Variants in DSG3 observed in about 807,000 individuals in gnomAD.
DSG3 encodes the protein desmoglein-3.
A neutral mutation model predicts 85.9 loss-of-function variants in DSG3; 63 were observed. The observed-to-expected ratio is 0.73, with a 90% confidence interval of 0.60 to 0.90. The LOEUF is 0.90. Among genes scored for constraint, DSG3 ranks in the 40% least tolerant of loss-of-function variants. DSG3 has a pLI of 0.00. For synonymous variants in DSG3, 447 were observed against 441.9 expected, an observed-to-expected ratio of 1.01 and a Z score of -0.14; for missense variants, 1,220 against 1,219.9, an observed-to-expected ratio of 1.00 and a Z score of 0.00.
chr18:31,457,569 CT>C (rs745362820), intron 3 of DSG3, among the ~76,000 whole-genome samples: 1 of 93,148 alleles, frequency 1.1e-5, no homozygotes, highest in Non-Finnish European at 2.0e-5. Context: ...TTCTTTCTTT[CT>C]TTCTTTCTTT....
intron 15 of DSG3, 80 bp from the exon 16 acceptor site, chr18:31,475,566 A>C (rs2072880896): frequency 2.7e-6 from 4 of 1,507,368 alleles, no homozygotes; most frequent in Non-Finnish European, 3.5e-6. Flanking sequence ...CATAATCCAA[A>C]TGAGTTCTAC....
In DSG3 at chr18:31,474,142, C is replaced by T; in HGVS notation, c.2123C>T (p.Ala708Val). ...ESSEVCTNTYARGTAVEGTSG... is the reference protein window; with the variant it reads ...ESSEVCTNTYVRGTAVEGTSG... ...TTAGAAGTTTGTACAAATACGTATG[C>T]CAGAGGCACAGCGGTGGAAGGCACT... Residue 708 changes from alanine to valine, a missense_variant, in exon 15 of 16, where the codon GCC becomes GTC. By Grantham distance (64) the Ala-to-Val change is moderately conservative (BLOSUM62 0). Transcript: ENST00000257189. The T allele has an allele frequency of 1.2e-6, 2 of 1,613,378 alleles. No homozygotes were observed. The highest frequency in any genetic ancestry group is 1.7e-6 in the Non-Finnish European group (2 of 1,179,320).
chr18:31,464,520 A>C (rs1484902803), intron 9 of DSG3, 138 bp downstream of exon 9: 1 of 924,238 alleles, frequency 1.1e-6, no homozygotes, highest in Non-Finnish European at 1.5e-6. Context: ...GTAACTCAAA[A>C]AGTAACATTT....
chr18:31,466,588 CA>C lies in DSG3; in HGVS notation c.1472del (p.Asn491IlefsTer26). ...VYVRVPDFND[N>X]CPTAVLEKDA... ...ATGTTAGAGTACCCGATTTCAATGA[CA>C]ATTGTCCAACAGCTGTCCTCGAAAA... is the stretch of plus-strand genomic sequence containing the variant. On this transcript the variant is annotated frameshift_variant, in exon 11 of 16. Transcript: ENST00000257189. LOFTEE classifies it high-confidence loss of function. 1 of 1,614,176 alleles carries C rather than the reference CA, an allele frequency of 6.2e-7. No individual in the cohort carries two copies. The highest frequency in any genetic ancestry group is 1.1e-5 in the South Asian group (1 of 91,084).
intron 5 of DSG3, 65 bp downstream of exon 5, chr18:31,459,242 T>TA: frequency 7.1e-7 from 1 of 1,412,624 alleles, no homozygotes; most frequent in Non-Finnish European, 9.6e-7. Flanking sequence ...CCCACTACAA[T>TA]ATGTCATTCT....
In DSG3 at chr18:31,472,266, T is replaced by C. The variant is rs1403110795; in HGVS notation, c.1898-18T>C. On this transcript the variant is annotated intron_variant, in intron 12 of 15. Transcript: ENST00000257189. ...AAATTAGTCAAGTGTTCTGATGTTTTGTTTTGTTTTTCACTAGTGGCCCCC... is the reference window on the plus strand; with the variant it reads ...AAATTAGTCAAGTGTTCTGATGTTTCGTTTTGTTTTTCACTAGTGGCCCCC... 1.9e-6 allele frequency: 3 copies of C among 1,614,016 alleles called. No individual in the cohort carries two copies. Among genetic ancestry groups the C allele is most frequent in the Admixed American group, 1.7e-5 (1 of 60,022 alleles).
rs767344775 is a variant in DSG3 at position 31,464,201 on chromosome 18, C to T, written c.1090C>T (p.Arg364Ter). The T allele has an allele frequency of 6.2e-6, 10 of 1,613,942 alleles. No homozygotes were observed. The highest frequency in any genetic ancestry group is 4.5e-5 in the East Asian group (2 of 44,872). ...TCACCAATCAGTTATCTCTCGATAC[C>T]GAGTTCAGTCAACCCCAGTCACAAT... ...EFHQSVISRY[R>*]VQSTPVTIQV... The change falls in exon 9 of 16, where the codon CGA (arginine) becomes TGA (stop). Residue 364 changes from arginine to a stop codon, truncating the protein, a stop_gained. Transcript: ENST00000257189. LOFTEE classifies it high-confidence loss of function.
Position 31,469,287 on chromosome 18 carries a change from A to T in DSG3, c.1835A>T (p.His612Leu). Residue 612 changes from histidine (H) to leucine (L), a missense_variant, in exon 12 of 16, where the codon CAC (histidine) becomes CTC (leucine). Transcript: ENST00000257189. ...TSPGTRYGRP[H>L]SGRLGPAAIG... is the part of the protein sequence containing the mutation. ...CCTGGGACCAGGTATGGCAGGCCGC[A>T]CTCAGGGAGGCTGGGGCCTGCCGCC... 1 of 1,613,912 alleles carries T rather than the reference A, an allele frequency of 6.2e-7. No homozygotes were observed. Among genetic ancestry groups the T allele is most frequent in the Non-Finnish European group, 8.5e-7 (1 of 1,180,022 alleles).
rs2072746063 is a variant in DSG3 at position 31,456,992 on chromosome 18, G to C, written c.85-1G>C. On this transcript the variant is annotated splice_acceptor_variant, in intron 2 of 15. Coordinates refer to ENST00000257189, the MANE Select transcript of DSG3 (RefSeq NM_001944.3). LOFTEE classifies it high-confidence loss of function. ...ACAAATGGAATCCCTTTTTACATAA[G>C]ACTAAAGGTCAATATGATGAAGAAG... 1.2e-6 allele frequency: 2 copies of C among 1,601,274 alleles called. No individual in the cohort carries two copies. The highest frequency in any genetic ancestry group is 1.7e-6 in the Non-Finnish European group (2 of 1,175,908).
At chr18:31,467,559 A>G (rs2072829835) in intron 11 of DSG3, among the ~76,000 whole-genome samples, 1 of 152,160 alleles carries the variant, frequency 6.6e-6, no homozygotes, top group South Asian at 2.1e-4. Context: ...TCCAACAGGG[A>G]GGAGCTAATT....
In DSG3 at chr18:31,465,410, C is replaced by T. The variant is rs754225178; in HGVS notation, c.1364C>T (p.Thr455Ile). The T allele has an allele frequency of 1.3e-6, 2 of 1,543,564 alleles. No individual in the cohort carries two copies. Among genetic ancestry groups the T allele is most frequent in the Admixed American group, 4.0e-5 (2 of 50,340 alleles). The change falls in exon 10 of 16, where the codon ACT becomes ATT. Residue 455 changes from threonine (T) to isoleucine (I), a missense_variant. Coordinates refer to ENST00000257189, the MANE Select transcript of DSG3 (RefSeq NM_001944.3). ...KFVKNMNRDS[T>I]FIVNKTITAE... ...GTCAAAAATATGAACCGAGATTCTA[C>T]TTTCATAGTTAACAAAACAATCACA...
In DSG3 at chr18:31,464,356, C is replaced by T; in HGVS notation, c.1245C>T (p.Asp415=). ...ILGTYQAIDE[D]TNKAASNVKY... Reference sequence around the variant, plus strand: ...GAACATATCAAGCCATCGATGAGGACACTAACAAAGCTGCCTCAAATGTCA... The same window carrying T: ...GAACATATCAAGCCATCGATGAGGATACTAACAAAGCTGCCTCAAATGTCA... The change falls in exon 9 of 16, where the codon GAC becomes GAT. Residue 415 remains aspartate, a synonymous_variant. Transcript: ENST00000257189. 6.2e-7 allele frequency: 1 copy of T among 1,611,884 alleles called. No individual in the cohort carries two copies.
chr18:31,458,429 G>C lies in DSG3; in HGVS notation c.217-16G>C. On this transcript the variant is annotated splice_polypyrimidine_tract_variant and intron_variant, in intron 3 of 15. Coordinates refer to ENST00000257189, the MANE Select transcript of DSG3 (RefSeq NM_001944.3). The stretch of plus-strand genomic sequence containing the variant: ...AGTGATGGTCACCTCAACGTTTTTG[G>C]TATTTGGGGCTGTAGATTACTTCAG... 3 of 1,611,476 alleles carry C rather than the reference G, an allele frequency of 1.9e-6. No homozygotes were observed. Among genetic ancestry groups the C allele is most frequent in the Non-Finnish European group, 2.5e-6 (3 of 1,178,656 alleles).
At chr18:31,457,164 A>C (rs2072747353) in intron 3 of DSG3, 40 bp downstream of exon 3, 1 of 1,586,470 alleles carries the variant, frequency 6.3e-7, no homozygotes, top group African/African-American at 1.4e-5. Flanking sequence ...TTTTAGAATA[A>C]ATGTATAAGG....
chr18:31,463,262 C>G (rs1347497010), intron 8 of DSG3, among the ~76,000 whole-genome samples: 2 of 152,182 alleles, frequency 1.3e-5, no homozygotes, highest in Non-Finnish European at 2.9e-5. Context: ...GCCTCTTACC[C>G]CTTGTATTAT....
Position 31,472,378 on chromosome 18 carries a change from A to G in DSG3, c.1992A>G (p.Gly664=). ...GFIPVPDGSE[G]TIHQWGIEGA... ...TCCCAGTTCCTGATGGCTCAGAAGG[A>G]ACAATTCATCAGTGGGGAATTGAAG... The change falls in exon 13 of 16, where the codon GGA becomes GGG. Residue 664 remains glycine (G), a synonymous_variant. Coordinates refer to ENST00000257189, the MANE Select transcript of DSG3 (RefSeq NM_001944.3). 1 of 1,614,186 alleles carries G rather than the reference A, an allele frequency of 6.2e-7. No homozygotes were observed. Among genetic ancestry groups the G allele is most frequent in the Non-Finnish European group, 8.5e-7 (1 of 1,180,014 alleles).
intron 9 of DSG3, among the ~76,000 whole-genome samples, chr18:31,464,845 A>G (rs965685405): frequency 6.6e-6 from 1 of 152,198 alleles, no homozygotes; most frequent in Admixed American, 6.5e-5. Context: ...CTTAAGAATT[A>G]TGAAATATGG....
rs562836766 is a variant in DSG3, at chr18:31,468,411, G to A, written c.1637-678G>A. Among the ~76,000 whole-genome samples the A allele has an allele frequency of 3.3e-4, 51 of 152,328 alleles. 1 individual carries two copies. The South Asian group carries it at 0.01, about 31-fold the overall frequency. ...ACAAGAGAGTGGTTAAGCCCCAGAA[G>A]AGGAGTACCTGACTCTAAATGATGT... On this transcript the variant is annotated intron_variant, in intron 11 of 15. Transcript: ENST00000257189.
intron 12 of DSG3, among the ~76,000 whole-genome samples, chr18:31,471,283 A>C (rs1351563180): frequency 1.3e-5 from 2 of 152,206 alleles, no homozygotes; most frequent in African/African-American, 4.8e-5. Context: ...CCCTAAAAAA[A>C]TAGTATTAAG....
Sources: gnomAD v4.1 joint callset for allele counts (sites outside exome capture counted in the v4.1 genomes callset) on GRCh38, gnomAD v4.1.1 for gene constraint, MANE v1.5 for transcripts, NCBI Gene and HGNC (gene_info 2026-07-23, HGNC 2026-07-21) for gene names.